The following SPMIP2 variants were observed in gnomAD, a reference collection of about 807,000 sequenced individuals.
The protein encoded by SPMIP2 is protein SPMIP2.
At chr4:158,929,964 G>T in the SPMIP2 span, among the ~76,000 whole-genome samples, 1 of 152,016 alleles carries the variant, frequency 6.6e-6, no homozygotes, top group Non-Finnish European at 1.5e-5. Flanking sequence ...TGCAGGGCAG[G>T]TCTGCTAGTG....
chr4:159,000,300 T>C, the SPMIP2 span, among the ~76,000 whole-genome samples: 1 of 152,272 alleles, frequency 6.6e-6, no homozygotes, highest in East Asian at 1.9e-4. Context: ...TGTTTTTATT[T>C]GCGAAATCAA....
chr4:159,046,708 G>T, the SPMIP2 span, among the ~76,000 whole-genome samples: 1 of 152,276 alleles, frequency 6.6e-6, no homozygotes, highest in East Asian at 1.9e-4. Flanking sequence ...AAGAAGCTGG[G>T]ACTACATGTG....
the SPMIP2 span, among the ~76,000 whole-genome samples, chr4:159,059,170 G>A: frequency 1.3e-5 from 2 of 152,188 alleles, no homozygotes; most frequent in African/African-American, 4.8e-5. Flanking sequence ...AGATCCATAG[G>A]AGCTGCAAAG....
the SPMIP2 span, among the ~76,000 whole-genome samples, chr4:158,927,291 CATT>C: frequency 1.3e-5 from 2 of 152,148 alleles, no homozygotes; most frequent in Non-Finnish European, 2.9e-5. Flanking sequence ...AATTATCTGA[CATT>C]AGAGAAACCA....
At chr4:159,026,372 C>A in the SPMIP2 span, 1 of 767,462 alleles carries the variant, frequency 1.3e-6, no homozygotes, top group Non-Finnish European at 2.3e-6. Context: ...AAAACTCAGA[C>A]TCTCTACAAC....
chr4:158,983,224 T>C, the SPMIP2 span, among the ~76,000 whole-genome samples: 1 of 152,092 alleles, frequency 6.6e-6, no homozygotes, highest in South Asian at 2.1e-4. Context: ...GGAACCAAGT[T>C]GGAAAACACT....
the SPMIP2 span, among the ~76,000 whole-genome samples, chr4:158,983,191 T>C: frequency 6.6e-6 from 1 of 152,156 alleles, no homozygotes; most frequent in African/African-American, 2.4e-5. Flanking sequence ...CTGATTGGTG[T>C]ACCTGAAAAT....
the SPMIP2 span, among the ~76,000 whole-genome samples, chr4:158,980,028 T>C: frequency 6.6e-6 from 1 of 152,066 alleles, no homozygotes; most frequent in Non-Finnish European, 1.5e-5. Context: ...GGGAGGGGTA[T>C]CCACCATTGC....
the SPMIP2 span, among the ~76,000 whole-genome samples, chr4:158,897,646 AG>A: frequency 6.6e-6 from 1 of 152,114 alleles, no homozygotes; most frequent in Non-Finnish European, 1.5e-5. Context: ...TCTTCTTTTG[AG>A]AAGTGTCTGT....
At chr4:158,935,415 A>T in the SPMIP2 span, among the ~76,000 whole-genome samples, 1 of 152,184 alleles carries the variant, frequency 6.6e-6, no homozygotes, top group East Asian at 1.9e-4. Flanking sequence ...TACCCACGAC[A>T]CTTGGGGTAG....
the SPMIP2 span, among the ~76,000 whole-genome samples, chr4:159,010,988 T>C: frequency 1.3e-5 from 2 of 152,164 alleles, no homozygotes; most frequent in African/African-American, 2.4e-5. Context: ...GGTTTATATG[T>C]TCAGCAAACA....
the SPMIP2 span, among the ~76,000 whole-genome samples, chr4:159,077,320 C>G: frequency 6.6e-6 from 1 of 151,254 alleles, no homozygotes; most frequent in Non-Finnish European, 1.5e-5. Flanking sequence ...CTAATTTTTG[C>G]ATTATTAGTA....
At chr4:158,931,676 C>A in the SPMIP2 span, among the ~76,000 whole-genome samples, 3 of 152,080 alleles carry the variant, frequency 2.0e-5, no homozygotes, top group Admixed American at 6.5e-5. Context: ...GATTCTTGTA[C>A]CTCAGTCTCC....
the SPMIP2 span, among the ~76,000 whole-genome samples, chr4:158,957,268 A>G: frequency 6.6e-6 from 1 of 152,090 alleles, no homozygotes; most frequent in African/African-American, 2.4e-5. Flanking sequence ...AAATTCTCTA[A>G]CCCAGGTCAC....
chr4:159,041,197 A>G, the SPMIP2 span, among the ~76,000 whole-genome samples: 2 of 152,188 alleles, frequency 1.3e-5, no homozygotes, highest in Admixed American at 1.3e-4. Context: ...TGACGCTGAG[A>G]GTATAGTGGT....
chr4:159,022,750 G>A, the SPMIP2 span, among the ~76,000 whole-genome samples: 1 of 152,196 alleles, frequency 6.6e-6, no homozygotes, highest in African/African-American at 2.4e-5. Flanking sequence ...ATCGTGTGTT[G>A]GCCGGGCGCG....
the SPMIP2 span, among the ~76,000 whole-genome samples, chr4:159,013,674 C>T: frequency 6.6e-6 from 1 of 151,710 alleles, no homozygotes; most frequent in Non-Finnish European, 1.5e-5. Context: ...CCTCCAAGTA[C>T]GGTCACACTG....
chr4:158,933,317 G>T, the SPMIP2 span, among the ~76,000 whole-genome samples: 3 of 152,196 alleles, frequency 2.0e-5, no homozygotes, highest in East Asian at 1.9e-4. Context: ...TGATTTTGAT[G>T]ATTTTTGCCA....
At chr4:159,017,356 TACACACACACAC>T in the SPMIP2 span, among the ~76,000 whole-genome samples, 1 of 149,318 alleles carries the variant, frequency 6.7e-6, no homozygotes, top group Non-Finnish European at 1.5e-5. Flanking sequence ...CACAAACACA[TACACACACACAC>T]ACACACACAC....
Sources: allele counts gnomAD v4.1 joint callset (sites outside exome capture counted in the v4.1 genomes callset), GRCh38; gene constraint gnomAD v4.1.1; transcripts MANE v1.5; gene names NCBI Gene and HGNC (gene_info 2026-07-23, HGNC 2026-07-21).